Variants in GAD2 observed in about 807,000 individuals in gnomAD.
GAD2 encodes the protein 65 kDa glutamic acid decarboxylase.
GAD2 carries 22 observed loss-of-function variants against 80.1 expected under a neutral mutation model. The ratio of observed to expected loss-of-function variants is 0.27; its 90% CI spans 0.20 to 0.39. The LOEUF (loss-of-function observed/expected upper bound fraction) is 0.39, where lower values mean the gene tolerates loss of function less well. GAD2 is among the 10% of genes least tolerant of loss of function. GAD2 has a pLI of 1.00. For missense variants in GAD2, 624 were observed against 738.4 expected, an observed-to-expected ratio of 0.85 and a Z score of 1.80; for synonymous variants, 274 against 256.9, an observed-to-expected ratio of 1.07 and a Z score of -0.64.
intron 8 of GAD2, among the ~76,000 whole-genome samples, chr10:26,253,824 A>G (rs1264180362): frequency 6.6e-6 from 1 of 152,146 alleles, no homozygotes; most frequent in African/African-American, 2.4e-5. Flanking sequence ...AGATAAAGAG[A>G]AGAGGCAAAA....
intron 12 of GAD2, 22 bp from the exon 13 acceptor site, chr10:26,286,323 A>C: frequency 6.3e-7 from 1 of 1,596,204 alleles, no homozygotes; most frequent in South Asian, 1.2e-5. Context: ...GAATTTCCTA[A>C]ATTTTCTCTT....
chr10:26,289,037 G>T (rs543390653), intron 13 of GAD2, among the ~76,000 whole-genome samples: 3 of 151,964 alleles, frequency 2.0e-5, no homozygotes, highest in Non-Finnish European at 2.9e-5. Context: ...ACATCTAGCC[G>T]CAAAAACTTC....
intron 15 of GAD2, among the ~76,000 whole-genome samples, chr10:26,294,209 A>G: frequency 6.6e-6 from 1 of 152,180 alleles, no homozygotes; most frequent in East Asian, 1.9e-4. Flanking sequence ...CACTGCCAAG[A>G]GCCCCGCAGG....
At chr10:26,226,356 G>C (rs963230248) in intron 6 of GAD2, among the ~76,000 whole-genome samples, 1 of 152,214 alleles carries the variant, frequency 6.6e-6, no homozygotes, top group Non-Finnish European at 1.5e-5. Flanking sequence ...ACATGGAGAA[G>C]ACTTCAGCTT....
chr10:26,278,088 G>C (rs1037112548), intron 11 of GAD2, among the ~76,000 whole-genome samples: 9 of 152,156 alleles, frequency 5.9e-5, no homozygotes, highest in Non-Finnish European at 1.0e-4. Flanking sequence ...CTCTGAGAGG[G>C]AGGTGGGACA....
At chr10:26,223,286 T>C (rs888457499) in intron 4 of GAD2, among the ~76,000 whole-genome samples, 10 of 152,220 alleles carry the variant, frequency 6.6e-5, no homozygotes, top group African/African-American at 1.9e-4. Context: ...ATGCCATCTT[T>C]AGACAATCAT....
chr10:26,224,522 C>CT lies in GAD2; in HGVS notation c.612-17_612-16insT, dbSNP rs752379277. ...TCTGAGTTACAGAGGTAAAATGTGG[C>CT]CATTACTACATTTCAGGTTCACCTA... On this transcript the variant is annotated splice_polypyrimidine_tract_variant and intron_variant, in intron 5 of 15. Coordinates refer to ENST00000376261, the MANE Select transcript of GAD2 (RefSeq NM_001134366.2). 7.0e-7 allele frequency: 1 copy of CT among 1,423,508 alleles called. No homozygotes were observed. Among genetic ancestry groups the CT allele is most frequent in the South Asian group, 1.1e-5 (1 of 87,184 alleles). The allele number at this position is 1,423,508 out of a possible 1,614,324, so 88.2% of individuals were successfully genotyped here.
intron 6 of GAD2, among the ~76,000 whole-genome samples, chr10:26,228,862 C>A (rs539060926): frequency 6.6e-6 from 1 of 152,028 alleles, no homozygotes; most frequent in Non-Finnish European, 1.5e-5. Flanking sequence ...CGCATCACTG[C>A]TGCCAAAAAG....
At chr10:26,222,494 T>A (rs1315279362) in intron 4 of GAD2, among the ~76,000 whole-genome samples, 1 of 151,902 alleles carries the variant, frequency 6.6e-6, no homozygotes, top group Non-Finnish European at 1.5e-5. Context: ...GGGGAGTCAA[T>A]GAGGCAGAGA....
chr10:26,251,175 G>A (rs910493958), intron 8 of GAD2, among the ~76,000 whole-genome samples: 4 of 151,138 alleles, frequency 2.6e-5, no homozygotes, highest in Non-Finnish European at 5.9e-5. Context: ...TAGGATTATA[G>A]GCGTGCACCA....
In GAD2 at chr10:26,266,036, C is replaced by A. The variant is rs1023455523; in HGVS notation, c.921-3083C>A. Among the ~76,000 whole-genome samples the A allele has an allele frequency of 5.3e-5, 8 of 152,360 alleles. No individual in the cohort carries two copies. In the South Asian group the frequency reaches 8.3e-4, roughly 16 times the overall value. On this transcript the variant is annotated intron_variant, in intron 8 of 15. Coordinates refer to ENST00000376261, the MANE Select transcript of GAD2 (RefSeq NM_001134366.2). ...ACCTCCCAGGCTAAAATGTCCCAAG[C>A]AGCTTTTCTTAACATATGGACCCAG...
intron 8 of GAD2, among the ~76,000 whole-genome samples, chr10:26,265,708 T>C (rs995241871): frequency 5.3e-5 from 8 of 152,220 alleles, no homozygotes; most frequent in Non-Finnish European, 1.0e-4. Flanking sequence ...ATTAAAGATA[T>C]ATGCTTACGT....
At chr10:26,299,868 A>G (rs375931552) in intron 15 of GAD2, among the ~76,000 whole-genome samples, 9 of 152,342 alleles carry the variant, frequency 5.9e-5, no homozygotes, top group African/African-American at 2.2e-4. Flanking sequence ...AAGTGTGTGT[A>G]GGATATGAAC....
At chr10:26,257,442 C>T (rs143598577) in intron 8 of GAD2, among the ~76,000 whole-genome samples, 1 of 152,336 alleles carries the variant, frequency 6.6e-6, no homozygotes, top group East Asian at 1.9e-4. Context: ...CTCTTCCATT[C>T]ACCTCTTTCT....
At chr10:26,223,369 C>T (rs981178265) in intron 4 of GAD2, among the ~76,000 whole-genome samples, 4 of 152,192 alleles carry the variant, frequency 2.6e-5, no homozygotes, top group Admixed American at 6.5e-5. Flanking sequence ...CTTTTGTAAT[C>T]ATCAGCCATT....
chr10:26,271,042 G>A (rs990366519), intron 10 of GAD2, among the ~76,000 whole-genome samples: 1 of 152,042 alleles, frequency 6.6e-6, no homozygotes, highest in Non-Finnish European at 1.5e-5. Flanking sequence ...TCAATTCATC[G>A]AGCCATTGCA....
chr10:26,242,187 C>T (rs1302507972), intron 7 of GAD2, among the ~76,000 whole-genome samples: 3 of 152,120 alleles, frequency 2.0e-5, no homozygotes, highest in South Asian at 2.1e-4. Context: ...AGAGTTTCAC[C>T]GTGTTAGCCA....
At chr10:26,239,745 T>C (rs1844717904) in intron 7 of GAD2, among the ~76,000 whole-genome samples, 1 of 152,004 alleles carries the variant, frequency 6.6e-6, no homozygotes, top group Non-Finnish European at 1.5e-5. Flanking sequence ...GAGACCTACA[T>C]TGAATGAGGG....
intron 6 of GAD2, 61 bp from the exon 7 acceptor site, chr10:26,229,601 G>T (rs777969004): frequency 1.1e-4 from 131 of 1,167,010 alleles, no homozygotes; most frequent in Middle Eastern, 1.9e-4. Context: ...AAGGAATGTT[G>T]CTTGCATGTG....
Sources: gnomAD v4.1 joint callset for allele counts (sites outside exome capture counted in the v4.1 genomes callset) on GRCh38, gnomAD v4.1.1 for gene constraint, MANE v1.5 for transcripts, NCBI Gene and HGNC (gene_info 2026-07-23, HGNC 2026-07-21) for gene names.